Variants in CCDC178 observed in about 807,000 individuals in gnomAD.
CCDC178 encodes the protein coiled-coil domain-containing protein 178.
A neutral mutation model predicts 117.4 loss-of-function variants in CCDC178; 126 were observed. The ratio of observed to expected loss-of-function variants is 1.07; its 90% CI spans 0.93 to 1.24. The LOEUF (loss-of-function observed/expected upper bound fraction) is 1.24. CCDC178 is among the 50% of genes most tolerant of loss of function. The pLI, the probability that CCDC178 is intolerant of heterozygous loss-of-function variation, is 0.00. For synonymous variants in CCDC178, 283 were observed against 313.4 expected (o/e 0.90, Z 1.02); for missense variants, 1,030 against 986.9 (o/e 1.04, Z -0.59).
intron 9 of CCDC178, among the ~76,000 whole-genome samples, chr18:33,343,064 T>C (rs575796881): frequency 2.6e-5 from 4 of 152,282 alleles, no homozygotes; most frequent in African/African-American, 9.6e-5. Context: ...ATTCTCCAAA[T>C]TATGTCTACA....
chr18:33,436,680 G>A (rs2064296040), intron 2 of CCDC178, among the ~76,000 whole-genome samples: 2 of 152,222 alleles, frequency 1.3e-5, no homozygotes, highest in South Asian at 4.1e-4. Context: ...CAGCCTGCCA[G>A]CACTGTTTAG....
In CCDC178 at chr18:33,277,411, G is replaced by T. The variant is rs992324757; in HGVS notation, c.1177-10114C>A. On this transcript the variant is annotated intron_variant, in intron 12 of 22. Coordinates refer to ENST00000383096, the MANE Select transcript of CCDC178 (RefSeq NM_001105528.4). ...CTATATGAGGAAACCCTTTAAAAAT[G>T]CTCCTGACACAAAATGTCATTGAAC... 3.7e-4 allele frequency among the ~76,000 whole-genome samples: 56 copies of T among 152,042 alleles called. 1 individual carries two copies. Among genetic ancestry groups the T allele is most frequent in the Non-Finnish European group, 1.3e-4 (9 of 67,980 alleles).
chr18:33,326,876 CT>C (rs1370535706), intron 10 of CCDC178, among the ~76,000 whole-genome samples: 1 of 151,796 alleles, frequency 6.6e-6, no homozygotes, highest in Non-Finnish European at 1.5e-5. Context: ...AGCAGACTCC[CT>C]TTGCGAAAAC....
intron 14 of CCDC178, among the ~76,000 whole-genome samples, chr18:33,265,312 A>G (rs67134528): frequency 0.067 from 10,252 of 152,168 alleles, 517 homozygotes; most frequent in African/African-American, 0.14. Flanking sequence ...AGTAGTCATG[A>G]TCTGACCTCA....
In CCDC178 at chr18:33,418,539, G is replaced by C. The variant is rs933879217; in HGVS notation, c.-22-6429C>G. ...TAAAACGCATCCAAATAGAGAGAGGGCTAAAGTATCCTTGTTTGCAGACAA... is the reference window on the plus strand; with the variant it reads ...TAAAACGCATCCAAATAGAGAGAGGCCTAAAGTATCCTTGTTTGCAGACAA... On this transcript the variant is annotated intron_variant, in intron 2 of 22. Transcript: ENST00000383096. 7.9e-5 allele frequency among the ~76,000 whole-genome samples: 12 copies of C among 151,816 alleles called. No homozygotes were observed. The East Asian group carries it at 2.3e-3, about 29-fold the overall frequency.
chr18:33,027,397 A>G (rs1749843881), intron 21 of CCDC178, among the ~76,000 whole-genome samples: 1 of 151,754 alleles, frequency 6.6e-6, no homozygotes, highest in Non-Finnish European at 1.5e-5. Context: ...AATAAATGTA[A>G]CTAGAAACAG....
chr18:33,289,730 TA>T (rs1166549292), intron 12 of CCDC178, among the ~76,000 whole-genome samples: 1 of 152,162 alleles, frequency 6.6e-6, no homozygotes, highest in East Asian at 1.9e-4. Context: ...AACCTGGGAA[TA>T]AATATAAACA....
chr18:33,430,470 T>C (rs1196056535), intron 2 of CCDC178, among the ~76,000 whole-genome samples: 1 of 152,188 alleles, frequency 6.6e-6, no homozygotes, highest in Non-Finnish European at 1.5e-5. Context: ...ACCATGTAAT[T>C]GGAATTCTGG....
intron 7 of CCDC178, among the ~76,000 whole-genome samples, chr18:33,354,381 C>G (rs2063022770): frequency 6.6e-6 from 1 of 152,048 alleles, no homozygotes. Context: ...TTTTCATTCT[C>G]TAGCCCTTTC....
Position 33,073,551 on chromosome 18 carries a change from C to CTATCTATA in CCDC178, c.2388+19209_2388+19210insTATAGATA, listed in dbSNP as rs761380398. Among the ~76,000 whole-genome samples, 268 of 107,026 alleles carry CTATCTATA rather than the reference C, an allele frequency of 2.5e-3. 7 individuals are homozygous for CTATCTATA. Among genetic ancestry groups the CTATCTATA allele is most frequent in the East Asian group, 0.01 (40 of 3,926 alleles). The allele number at this position is 107,026 out of a possible 152,430, so 70.2% of individuals were successfully genotyped here. On this transcript the variant is annotated intron_variant, in intron 21 of 22. Transcript: ENST00000383096. ...TCTATCTATCTATCTATCTATCTAT[C>CTATCTATA]TATATATATATCTTTGCAGACTTTC...
chr18:33,090,481 A>C lies in CCDC178; in HGVS notation c.2388+2280T>G, dbSNP rs151264647. On this transcript the variant is annotated intron_variant, in intron 21 of 22. Coordinates refer to ENST00000383096, the MANE Select transcript of CCDC178 (RefSeq NM_001105528.4). ...TGTGTACCCAAACTAAACTGGCCAAAGAACTAAAACCTGCATACATGGGAA... is the reference window on the plus strand; with the variant it reads ...TGTGTACCCAAACTAAACTGGCCAACGAACTAAAACCTGCATACATGGGAA... Among the ~76,000 whole-genome samples the C allele has an allele frequency of 4.5e-4, 69 of 152,336 alleles. No individual in the cohort carries two copies. In the East Asian group the frequency reaches 0.013, roughly 28 times the overall value.
chr18:33,030,153 T>G (rs2056307435), intron 21 of CCDC178, among the ~76,000 whole-genome samples: 1 of 152,088 alleles, frequency 6.6e-6, no homozygotes, highest in South Asian at 2.1e-4. Flanking sequence ...AGGGCTCTGT[T>G]GTTTCCTGCA....
intron 20 of CCDC178, among the ~76,000 whole-genome samples, chr18:33,122,184 T>G (rs1453746531): frequency 1.3e-5 from 2 of 152,174 alleles, no homozygotes; most frequent in Non-Finnish European, 2.9e-5. Context: ...TGCAAAAAGC[T>G]AAATTTGCTA....
At chr18:33,340,493 C>T (rs12967771) in intron 9 of CCDC178, among the ~76,000 whole-genome samples, 65,283 of 151,962 alleles carry the variant, frequency 0.43, 15,549 homozygotes, top group African/African-American at 0.65. Context: ...CCCAAGACCA[C>T]GGGGAAAATG....
chr18:33,098,808 A>G (rs2057581945), intron 20 of CCDC178, among the ~76,000 whole-genome samples: 1 of 151,960 alleles, frequency 6.6e-6, no homozygotes, highest in Non-Finnish European at 1.5e-5. Flanking sequence ...ATTCAGCTCT[A>G]TGGTTAGGCC....
At chr18:32,991,568 T>C (rs758830024) in intron 21 of CCDC178, among the ~76,000 whole-genome samples, 3 of 152,178 alleles carry the variant, frequency 2.0e-5, no homozygotes, top group Non-Finnish European at 2.9e-5. Context: ...AAATGGTAAA[T>C]AAGCAAATTT....
chr18:33,072,352 A>T (rs2057124328), intron 21 of CCDC178, among the ~76,000 whole-genome samples: 3 of 152,214 alleles, frequency 2.0e-5, no homozygotes, highest in Non-Finnish European at 4.4e-5. Context: ...GAGTCCCCAT[A>T]AGAAAAACTT....
intron 21 of CCDC178, among the ~76,000 whole-genome samples, chr18:32,997,051 C>G (rs2055526880): frequency 6.6e-6 from 1 of 152,130 alleles, no homozygotes; most frequent in African/African-American, 2.4e-5. Flanking sequence ...ACAAAGACTT[C>G]AAATCATAAT....
chr18:33,117,825 C>T (rs1470742972), intron 20 of CCDC178, among the ~76,000 whole-genome samples: 2 of 151,964 alleles, frequency 1.3e-5, no homozygotes, highest in Non-Finnish European at 2.9e-5. Context: ...GACCCAAACC[C>T]TCATTCTTGA....
Sources: gnomAD v4.1 joint callset for allele counts (sites outside exome capture counted in the v4.1 genomes callset) on GRCh38, gnomAD v4.1.1 for gene constraint, MANE v1.5 for transcripts, NCBI Gene and HGNC (gene_info 2026-07-23, HGNC 2026-07-21) for gene names.